The following CALB2 variants were observed in gnomAD, a reference collection of about 807,000 sequenced individuals.
The protein encoded by CALB2 is calretinin.
In CALB2, 34 loss-of-function variants were observed where a neutral mutation model predicts 45.9. That is an observed-to-expected ratio of 0.74 (90% confidence interval 0.56 to 0.99). The LOEUF (loss-of-function observed/expected upper bound fraction) is 0.99. CALB2 is among the 50% of genes least tolerant of loss of function. The pLI, the probability that CALB2 is intolerant of heterozygous loss-of-function variation, is 0.00. For synonymous variants in CALB2, 142 were observed against 129.6 expected (o/e 1.10, Z -0.65); for missense variants, 344 against 339.3 (o/e 1.01, Z -0.11).
At chr16:71,364,278 G>C (rs924032892) in intron 1 of CALB2, among the ~76,000 whole-genome samples, 9 of 152,006 alleles carry the variant, frequency 5.9e-5, no homozygotes, top group Non-Finnish European at 1.2e-4. Context: ...GCCCTGCATT[G>C]CCTTGATATT....
rs201815729 is a variant in CALB2 at position 71,377,672 on chromosome 16, G to A, written c.267G>A (p.Ala89=). 1.1e-5 allele frequency: 18 copies of A among 1,613,044 alleles called. No individual in the cohort carries two copies. The highest frequency in any genetic ancestry group is 4.5e-5 in the East Asian group (2 of 44,844). Residue 89 remains alanine (A), a synonymous_variant, in exon 4 of 11, where the codon GCG becomes GCA. Coordinates refer to ENST00000302628, the MANE Select transcript of CALB2 (RefSeq NM_001740.5). ...CGCTCTCTGTATCTTCACAGCTGGC[G>A]CAGATCCTGCCAACCGAAGAGAACT... The part of the protein sequence containing the change: ...SDGKIEMAEL[A]QILPTEENFL...
At chr16:71,384,755 T>G (rs746703763) in intron 8 of CALB2, 28 bp from the exon 9 acceptor site, 1 of 1,198,472 alleles carries the variant, frequency 8.3e-7, no homozygotes, top group South Asian at 1.8e-5. Flanking sequence ...CGCTTCTGCT[T>G]CTGTCTTTAA....
chr16:71,374,540 A>G (rs1391986356), intron 2 of CALB2, among the ~76,000 whole-genome samples: 1 of 152,162 alleles, frequency 6.6e-6, no homozygotes, highest in Non-Finnish European at 1.5e-5. Context: ...TGAAATTTAT[A>G]TGACTGAGCC....
intron 3 of CALB2, among the ~76,000 whole-genome samples, chr16:71,375,874 C>A (rs2042406078): frequency 6.6e-6 from 1 of 152,206 alleles, no homozygotes; most frequent in Non-Finnish European, 1.5e-5. Context: ...TGGATGCAGG[C>A]TGCCCCTCTT....
chr16:71,388,440 G>C (rs1488708115), intron 10 of CALB2, among the ~76,000 whole-genome samples: 1 of 152,154 alleles, frequency 6.6e-6, no homozygotes, highest in Non-Finnish European at 1.5e-5. Context: ...TCATTTTCCA[G>C]TGTTGATGAT....
rs188987613 is a variant in CALB2, at chr16:71,360,956, C to T, written c.94+2070C>T. On this transcript the variant is annotated intron_variant, in intron 1 of 10. Transcript: ENST00000302628. Reference sequence around the variant, plus strand: ...CATGATGATAGGTATAAGTCTCCCTCCCATTCCCCCAAAGAAAAGCCCCCA... The same window carrying T: ...CATGATGATAGGTATAAGTCTCCCTTCCATTCCCCCAAAGAAAAGCCCCCA... 2.4e-3 allele frequency among the ~76,000 whole-genome samples: 360 copies of T among 152,252 alleles called. 2 individuals are homozygous for T. The highest frequency in any genetic ancestry group is 8.2e-3 in the African/African-American group (339 of 41,542).
chr16:71,364,447 G>A (rs1006313332), intron 1 of CALB2, among the ~76,000 whole-genome samples: 6 of 152,222 alleles, frequency 3.9e-5, no homozygotes, highest in Admixed American at 2.6e-4. Flanking sequence ...TAATAGAGCA[G>A]GCCTGAGGCT....
chr16:71,389,893 TC>T lies in CALB2; in HGVS notation c.*33del. ...TGGGGACGGGGGCTGCTTCTCCACC[TC>T]CCCCAAACCCTGCTTCTGCTGCCCT... is the stretch of plus-strand genomic sequence containing the variant. On this transcript the variant is annotated 3_prime_UTR_variant, in exon 11 of 11. Transcript: ENST00000302628. 1.3e-6 allele frequency: 2 copies of T among 1,521,116 alleles called. No homozygotes were observed. Among genetic ancestry groups the T allele is most frequent in the East Asian group, 2.3e-5 (1 of 44,376 alleles). The allele number at this position is 1,521,116 out of a possible 1,614,324, so 94.2% of individuals were successfully genotyped here.
chr16:71,367,565 C>G lies in CALB2; in HGVS notation c.95-4588C>G, dbSNP rs145405385. On this transcript the variant is annotated intron_variant, in intron 1 of 10. Transcript: ENST00000302628. ...CTGGGTGTGGAGTGTCCCTTCTGGG[C>G]CCTGCAGCGCCACCTGCCGATCTCT... is the stretch of plus-strand genomic sequence containing the variant. Among the ~76,000 whole-genome samples, 55 of 152,226 alleles carry G rather than the reference C, an allele frequency of 3.6e-4. 1 individual carries two copies. In the East Asian group the frequency reaches 8.3e-3, roughly 23 times the overall value.
intron 1 of CALB2, among the ~76,000 whole-genome samples, chr16:71,365,703 G>C (rs2042276732): frequency 6.6e-6 from 1 of 152,148 alleles, no homozygotes; most frequent in Non-Finnish European, 1.5e-5. Context: ...ACTTTGAACA[G>C]CACGGCGTTA....
intron 1 of CALB2, among the ~76,000 whole-genome samples, chr16:71,360,849 T>G (rs77741637): frequency 0.035 from 5,258 of 152,276 alleles, 297 homozygotes; most frequent in African/African-American, 0.12. Context: ...AGCAAGTTAC[T>G]GGTGGGGCTG....
In CALB2 at chr16:71,374,781, G is replaced by C. The variant is rs759366481; in HGVS notation, c.208G>C (p.Glu70Gln). 2.5e-6 allele frequency: 4 copies of C among 1,613,698 alleles called. No homozygotes were observed. The highest frequency in any genetic ancestry group is 2.5e-6 in the Non-Finnish European group (3 of 1,179,708). The stretch of plus-strand genomic sequence containing the variant: ...TGACAACTTTGGAGAAAAGATGAAG[G>C]AGTTCATGCAGAAGTATGATAAAAA... The part of the protein sequence containing the change: ...KSDNFGEKMK[E>Q]FMQKYDKNSD... Residue 70 changes from glutamate to glutamine, a missense_variant, in exon 3 of 11, where the codon GAG (glutamate) becomes CAG (glutamine). By Grantham distance (29) the Glu-to-Gln change is conservative. Around this residue, in one of 3 missense-constraint regions of CALB2, gnomAD observed 4 missense variants for 17.1 expected, o/e 0.23. Transcript: ENST00000302628.
chr16:71,385,465 C>A, intron 9 of CALB2, 112 bp from the exon 10 acceptor site: 4 of 766,114 alleles, frequency 5.2e-6, no homozygotes, highest in Non-Finnish European at 8.5e-6. Flanking sequence ...TCTGAACACC[C>A]CCTTTTGCAC....
At chr16:71,378,774 A>T (rs1002557396) in intron 4 of CALB2, among the ~76,000 whole-genome samples, 1 of 152,178 alleles carries the variant, frequency 6.6e-6, no homozygotes, top group African/African-American at 2.4e-5. Context: ...AGCAATAAAG[A>T]AAACCGTGCC....
chr16:71,383,427 G>C lies in CALB2; in HGVS notation c.460G>C (p.Glu154Gln). Reference protein sequence around the residue: ...NRPYDEPKLQEYTQTILRMFD... With the variant: ...NRPYDEPKLQQYTQTILRMFD... ...GCCGTACGATGAGCCCAAGCTCCAG[G>C]AATACACCCAAACCATAGTGAGTGA... is the stretch of plus-strand genomic sequence containing the variant. Residue 154 changes from glutamate to glutamine, a missense_variant, in exon 6 of 11, where the codon GAA becomes CAA. This residue lies in a region of CALB2 where 263 missense variants were observed against 241.7 expected (regional missense o/e 1.09). Transcript: ENST00000302628. 1.9e-6 allele frequency: 3 copies of C among 1,614,084 alleles called. No homozygotes were observed. Among genetic ancestry groups the C allele is most frequent in the African/African-American group, 2.7e-5 (2 of 75,038 alleles).
intron 2 of CALB2, among the ~76,000 whole-genome samples, chr16:71,372,679 T>C (rs1053859991): frequency 4.6e-5 from 7 of 152,132 alleles, no homozygotes; most frequent in African/African-American, 1.7e-4. Context: ...TTGCAGGGGC[T>C]GCCCTGTGCG....
intron 1 of CALB2, among the ~76,000 whole-genome samples, chr16:71,368,883 G>A (rs768869312): frequency 6.6e-5 from 10 of 152,136 alleles, no homozygotes; most frequent in Non-Finnish European, 1.5e-4. Context: ...GATTGTCTGA[G>A]TTTCTTGAGG....
intron 1 of CALB2, among the ~76,000 whole-genome samples, chr16:71,360,560 C>G (rs949525098): frequency 5.9e-5 from 9 of 152,188 alleles, no homozygotes; most frequent in Admixed American, 1.3e-4. Context: ...ACCAGACTTG[C>G]ATGATTCAAG....
rs549461341 is a variant in CALB2, at chr16:71,371,878, A to T, written c.95-275A>T. 1.1e-4 allele frequency among the ~76,000 whole-genome samples: 17 copies of T among 152,302 alleles called. No individual in the cohort carries two copies. In the South Asian group the frequency reaches 3.3e-3, roughly 30 times the overall value. On this transcript the variant is annotated intron_variant, in intron 1 of 10. Transcript: ENST00000302628. ...GTGCTTGCCCAGACATTAAGGACAG[A>T]TTCGGAAGCTGCCAACTTCTGCTCT...
Sources: gnomAD v4.1 joint callset for allele counts (sites outside exome capture counted in the v4.1 genomes callset) on GRCh38, gnomAD v4.1.1 for gene constraint, gnomAD v4.1.1 regional missense constraint, MANE v1.5 for transcripts, NCBI Gene and HGNC (gene_info 2026-07-23, HGNC 2026-07-21) for gene names.